Variants in RIMBP2 observed in about 807,000 individuals in gnomAD.
The protein encoded by RIMBP2 is RIMS binding protein 2, also known as RIMS-binding protein 2.
In RIMBP2, 48 loss-of-function variants were observed where a neutral mutation model predicts 118.6. That is an observed-to-expected ratio of 0.40 (90% CI 0.32 to 0.51). RIMBP2 has a LOEUF of 0.51. Among genes scored for constraint, RIMBP2 ranks in the 20% least tolerant of loss-of-function variants. RIMBP2 has a pLI of 0.41. For synonymous variants in RIMBP2, 762 were observed against 742.9 expected, an observed-to-expected ratio of 1.03 and a Z score of -0.42; for missense variants, 1,551 against 1,768.3, an observed-to-expected ratio of 0.88 and a Z score of 2.20.
intron 2 of RIMBP2, among the ~76,000 whole-genome samples, chr12:130,603,005 A>G (rs1320934117): frequency 6.6e-6 from 1 of 152,206 alleles, no homozygotes; most frequent in Non-Finnish European, 1.5e-5. Context: ...AAGCAATACA[A>G]TTTCCACTTG....
chr12:130,663,645 G>T (rs955525699), intron 1 of RIMBP2, among the ~76,000 whole-genome samples: 1 of 151,698 alleles, frequency 6.6e-6, no homozygotes. Flanking sequence ...TCTCAAACTG[G>T]CAAGTTACCC....
Position 130,434,692 on chromosome 12 carries a change from G to A in RIMBP2, c.2253+42C>T, listed in dbSNP as rs143558517. ...TCTCCACGGGGCCCGCTCCGAGCCC[G>A]CGCCCACCAGGAGGATGGTGTGGGG... On this transcript the variant is annotated intron_variant, in intron 14 of 22. Coordinates refer to ENST00000690449, the MANE Select transcript of RIMBP2 (RefSeq NM_001393629.1). The surrounding 1 kb of genome is among the most constrained non-coding windows in gnomAD (Gnocchi z 5.7). The A allele has an allele frequency of 3.6e-4, 564 of 1,582,360 alleles. 6 individuals carry two copies. In the East Asian group the frequency reaches 9.2e-3, roughly 26 times the overall value.
At chr12:130,603,344 A>G (rs570541060) in intron 2 of RIMBP2, among the ~76,000 whole-genome samples, 1 of 152,202 alleles carries the variant, frequency 6.6e-6, no homozygotes, top group African/African-American at 2.4e-5. Context: ...AGCACATCCT[A>G]TAACCCTACT....
intron 1 of RIMBP2, among the ~76,000 whole-genome samples, chr12:130,669,534 C>T (rs771948606): frequency 5.3e-5 from 8 of 152,114 alleles, no homozygotes; most frequent in Non-Finnish European, 1.2e-4. Context: ...GGGCTCTTCC[C>T]CTTTCACAGC....
rs2065963076 is a variant in RIMBP2, at chr12:130,703,627, G to A, written c.-352+12595C>T. On this transcript the variant is annotated intron_variant, in intron 1 of 22. Transcript: ENST00000690449. The surrounding 1 kb of genome is among the most constrained non-coding windows in gnomAD (Gnocchi z 5.7). ...GCGCTTTAGCCCTCACGTGACTAGG[G>A]GCCACCGCCTAACCCTGATTAGCGC... Among the ~76,000 whole-genome samples, 1 of 152,152 alleles carries A rather than the reference G, an allele frequency of 6.6e-6. No homozygotes were observed. The highest frequency in any genetic ancestry group is 6.5e-5 in the Admixed American group (1 of 15,282).
chr12:130,462,967 ATCCAGCTT>A (rs2080138489), intron 6 of RIMBP2, among the ~76,000 whole-genome samples: 1 of 152,224 alleles, frequency 6.6e-6, no homozygotes. Context: ...GCCCGCCCAC[ATCCAGCTT>A]GTTTGCACCT....
chr12:130,493,879 T>A (rs1449516896), intron 4 of RIMBP2, among the ~76,000 whole-genome samples: 1 of 152,168 alleles, frequency 6.6e-6, no homozygotes, highest in East Asian at 1.9e-4. Context: ...GCCTGTTACA[T>A]TTACCCGGAT....
At chr12:130,547,031 G>A (rs1452724814) in intron 2 of RIMBP2, among the ~76,000 whole-genome samples, 1 of 152,146 alleles carries the variant, frequency 6.6e-6, no homozygotes, top group African/African-American at 2.4e-5. Flanking sequence ...TGCTGTTGTA[G>A]TTCTCATATC....
At chr12:130,593,889 T>A (rs936177644) in intron 2 of RIMBP2, among the ~76,000 whole-genome samples, 2 of 152,182 alleles carry the variant, frequency 1.3e-5, no homozygotes, top group African/African-American at 4.8e-5. Flanking sequence ...CGCTACAACT[T>A]AGGTTTCTAT....
chr12:130,483,233 C>T (rs5016979), intron 4 of RIMBP2, among the ~76,000 whole-genome samples: 4,713 of 7,256 alleles, frequency 0.65, 1,511 homozygotes, highest in East Asian at 0.74. Context: ...CATCCAAATA[C>T]ACCCACTGTG....
rs530256593 is a variant in RIMBP2 at position 130,703,900 on chromosome 12, G to A, written c.-352+12322C>T. ...AACGCAGCGCAGAGGTCTGGGGCCCGACCACCCTGGGAGGCAGTGCCCCAG... is the reference window on the plus strand; with the variant it reads ...AACGCAGCGCAGAGGTCTGGGGCCCAACCACCCTGGGAGGCAGTGCCCCAG... On this transcript the variant is annotated intron_variant, in intron 1 of 22. Transcript: ENST00000690449. The surrounding 1 kb of genome is among the most constrained non-coding windows in gnomAD (Gnocchi z 5.7). 3.9e-4 allele frequency among the ~76,000 whole-genome samples: 60 copies of A among 152,144 alleles called. No individual in the cohort carries two copies. The highest frequency in any genetic ancestry group is 2.8e-3 in the Admixed American group (43 of 15,282).
chr12:130,642,642 G>C (rs545219488), intron 1 of RIMBP2, among the ~76,000 whole-genome samples: 5 of 152,130 alleles, frequency 3.3e-5, no homozygotes, highest in African/African-American at 1.2e-4. Context: ...TTATTACTTC[G>C]ACAACCCACA....
At chr12:130,584,125 T>C (rs1012887320) in intron 2 of RIMBP2, among the ~76,000 whole-genome samples, 5 of 132,992 alleles carry the variant, frequency 3.8e-5, no homozygotes, top group Admixed American at 3.0e-4. Context: ...TATCATTACA[T>C]ATGATGTAAC....
Position 130,703,221 on chromosome 12 carries a change from G to C in RIMBP2, c.-352+13001C>G, listed in dbSNP as rs764347415. On this transcript the variant is annotated intron_variant, in intron 1 of 22. Transcript: ENST00000690449. The surrounding 1 kb of genome is among the most constrained non-coding windows in gnomAD (Gnocchi z 5.7). ...ATTAACCAGGAGAGTCACCCTCCTG[G>C]TTGACAGATGACGCCTGGTGTTGGC... Among the ~76,000 whole-genome samples, 1 of 152,076 alleles carries C rather than the reference G, an allele frequency of 6.6e-6. No individual in the cohort carries two copies. Among genetic ancestry groups the C allele is most frequent in the Non-Finnish European group, 1.5e-5 (1 of 68,010 alleles).
In RIMBP2 at chr12:130,414,139, C is replaced by T. The variant is rs1385168115; in HGVS notation, c.3406G>A (p.Gly1136Ser). The T allele has an allele frequency of 6.2e-7, 1 of 1,614,170 alleles. No homozygotes were observed. The highest frequency in any genetic ancestry group is 1.7e-5 in the Admixed American group (1 of 60,026). ...CCATCCCGCACCTTGATGATCTGGC[C>T]TTCTTTAAAGGGAAGCTCCTCCTCT... ...AAEEELPFKEGQIIKVYGDKD... is the reference protein window; with the variant it reads ...AAEEELPFKESQIIKVYGDKD... Residue 1136 changes from glycine (G) to serine (S), a missense_variant, in exon 18 of 23, where the codon GGC (glycine) becomes AGC (serine). By Grantham distance (56) the Gly-to-Ser change is moderately conservative. Transcript: ENST00000690449.
chr12:130,626,754 C>T (rs545693525), intron 2 of RIMBP2, among the ~76,000 whole-genome samples: 15 of 151,594 alleles, frequency 9.9e-5, no homozygotes, highest in African/African-American at 3.4e-4. Flanking sequence ...ACCATCTCCT[C>T]TGTTGCCACG....
At chr12:130,558,240 T>C (rs985990180) in intron 2 of RIMBP2, among the ~76,000 whole-genome samples, 17 of 152,104 alleles carry the variant, frequency 1.1e-4, no homozygotes, top group South Asian at 6.2e-4. Flanking sequence ...TCTCCCCTCA[T>C]TGTCTCACGG....
intron 11 of RIMBP2, among the ~76,000 whole-genome samples, chr12:130,440,859 C>CA (rs1466020137): frequency 6.6e-6 from 1 of 152,148 alleles, no homozygotes; most frequent in Middle Eastern, 3.2e-3. Context: ...TCATGAATAT[C>CA]AGAGCGGGCA....
chr12:130,414,398 G>T, intron 17 of RIMBP2, 92 bp from the exon 18 acceptor site: 1 of 1,298,500 alleles, frequency 7.7e-7, no homozygotes, highest in South Asian at 1.5e-5. Context: ...AGTGAGGATG[G>T]CAGCGGTTCC....
Sources: allele counts gnomAD v4.1 joint callset (sites outside exome capture counted in the v4.1 genomes callset), GRCh38; gene constraint gnomAD v4.1.1; non-coding constraint Gnocchi (gnomAD v3.1); transcripts MANE v1.5; gene names NCBI Gene and HGNC (gene_info 2026-07-23, HGNC 2026-07-21).